SLC6A15: variants seen among roughly 807,000 people sequenced by gnomAD.
SLC6A15 encodes sodium-dependent neutral amino acid transporter B(0)AT2.
A neutral mutation model predicts 68.5 loss-of-function variants in SLC6A15; 33 were observed. The ratio of observed to expected loss-of-function variants is 0.48; its 90% CI spans 0.37 to 0.64. The LOEUF is 0.64. Ranked by LOEUF, SLC6A15 falls within the 30% of genes least tolerant of loss-of-function variation. SLC6A15 has a pLI of 0.00. For synonymous variants in SLC6A15, 347 were observed against 301.0 expected, an observed-to-expected ratio of 1.15 and a Z score of -1.58; for missense variants, 747 against 874.3, an observed-to-expected ratio of 0.85 and a Z score of 1.84.
chr12:84,904,596 G>A (rs1873052932), intron 1 of SLC6A15, among the ~76,000 whole-genome samples: 1 of 152,156 alleles, frequency 6.6e-6, no homozygotes, highest in South Asian at 2.1e-4. Context: ...AGGATATGTG[G>A]TTTAGGTTTT....
chr12:84,867,563 T>G (rs976257493), intron 9 of SLC6A15: 1 of 153,950 alleles, frequency 6.5e-6, no homozygotes, highest in African/African-American at 2.4e-5. Flanking sequence ...TTATAGGTCA[T>G]TTATTCATTT....
At position 84,871,301 on chromosome 12, in the gene SLC6A15, C is replaced by T. The variant is rs556420069; in HGVS notation, c.1303-631G>A. ...CTTTTTTTACTTCTGATATTCCTAC[C>T]TCCCTGATTAAAAAAAAAAAAAAAG... On this transcript the variant is annotated intron_variant, in intron 8 of 11. Transcript: ENST00000266682. Among the ~76,000 whole-genome samples the T allele has an allele frequency of 4.0e-5, 6 of 148,782 alleles. No homozygotes were observed. In the South Asian group the frequency reaches 1.3e-3, roughly 31 times the overall value.
At chr12:84,883,719 G>A (rs745617936) in intron 5 of SLC6A15, 140 bp downstream of exon 5, 11 of 1,593,016 alleles carry the variant, frequency 6.9e-6, no homozygotes, top group Non-Finnish European at 9.4e-6. Flanking sequence ...CTTTTGAAGT[G>A]TCACTTTTCA....
At chr12:84,885,385 C>G (rs1872046024) in intron 4 of SLC6A15, 50 bp downstream of exon 4, 2 of 1,438,928 alleles carry the variant, frequency 1.4e-6, no homozygotes, top group African/African-American at 1.5e-5. Context: ...TGTACCTTTG[C>G]CACTCTTATA....
intron 1 of SLC6A15, among the ~76,000 whole-genome samples, chr12:84,907,034 T>C (rs1034834128): frequency 1.3e-5 from 2 of 151,870 alleles, no homozygotes; most frequent in African/African-American, 4.8e-5. Context: ...GACTGGTGTT[T>C]AGGATATATA....
chr12:84,898,048 T>C (rs1206613864), intron 1 of SLC6A15, among the ~76,000 whole-genome samples: 3 of 152,122 alleles, frequency 2.0e-5, no homozygotes, highest in Non-Finnish European at 2.9e-5. Flanking sequence ...AGATACTGTG[T>C]AAATATGACT....
intron 6 of SLC6A15, among the ~76,000 whole-genome samples, 182 bp downstream of exon 6, chr12:84,876,315 G>A (rs555521689): frequency 6.6e-5 from 10 of 152,136 alleles, no homozygotes; most frequent in African/African-American, 2.4e-4. Flanking sequence ...AAAAAATGGA[G>A]ATAAATGGCT....
intron 5 of SLC6A15, chr12:84,882,356 T>C (rs907379226): frequency 3.1e-6 from 3 of 982,960 alleles, no homozygotes; most frequent in Admixed American, 6.2e-5. Context: ...TATTTAGTCA[T>C]ATAATACAAT....
chr12:84,909,586 A>T (rs1478415618), intron 1 of SLC6A15, among the ~76,000 whole-genome samples: 1 of 152,200 alleles, frequency 6.6e-6, no homozygotes, highest in Non-Finnish European at 1.5e-5. Flanking sequence ...GCATCCAACT[A>T]TGCCTGTAGA....
rs754549579 is a variant in SLC6A15, at chr12:84,861,889, C to T, written c.1936G>A (p.Asp646Asn). 63 of 1,613,852 alleles carry T rather than the reference C, an allele frequency of 3.9e-5. No individual in the cohort carries two copies. The highest frequency in any genetic ancestry group is 5.3e-5 in the African/African-American group (4 of 74,884). The change falls in exon 12 of 12, where the codon GAT becomes AAT. Residue 646 changes from aspartate (D) to asparagine (N), a missense_variant. By Grantham distance (23) the Asp-to-Asn change is conservative (BLOSUM62 1). Transcript: ENST00000266682. ...GATGCTAAATTACCAGAACTATCAT[C>T]TATAAGGTTGAAGCGACGAACAATG... ...VFIVRRFNLI[D>N]DSSGNLASVT...
At chr12:84,890,692 T>A (rs1415074286) in intron 2 of SLC6A15, among the ~76,000 whole-genome samples, 1 of 152,176 alleles carries the variant, frequency 6.6e-6, no homozygotes, top group Non-Finnish European at 1.5e-5. Context: ...ACATATTTTG[T>A]CACCATAACA....
In SLC6A15 at chr12:84,891,922, T is replaced by C; in HGVS notation, c.199A>G (p.Lys67Glu). ...VEDERPAWNSKLQYILAQVGF... is the reference protein window; with the variant it reads ...VEDERPAWNSELQYILAQVGF... ...ACTTGGGCCAGGATGTATTGTAGTT[T>C]ACTGTTCCAAGCTGGTCTTTCATCT... The change falls in exon 2 of 12, where the codon AAA (lysine) becomes GAA (glutamate). Residue 67 changes from lysine to glutamate, a missense_variant. By Grantham distance (56) the Lys-to-Glu change is moderately conservative. Coordinates refer to ENST00000266682, the MANE Select transcript of SLC6A15 (RefSeq NM_182767.6). 1 of 1,614,086 alleles carries C rather than the reference T, an allele frequency of 6.2e-7. No homozygotes were observed. Among genetic ancestry groups the C allele is most frequent in the Admixed American group, 1.7e-5 (1 of 60,010 alleles).
intron 5 of SLC6A15, chr12:84,883,256 T>G: frequency 3.0e-6 from 3 of 985,478 alleles, no homozygotes; most frequent in Non-Finnish European, 3.6e-6. Flanking sequence ...AGAATTCACT[T>G]AATGTCTTTT....
intron 7 of SLC6A15, 75 bp downstream of exon 7, chr12:84,873,012 T>G: frequency 6.7e-7 from 1 of 1,492,430 alleles, no homozygotes; most frequent in Non-Finnish European, 9.0e-7. Flanking sequence ...TATGTATAGC[T>G]ATCATGTATC....
chr12:84,872,875 T>G, intron 7 of SLC6A15, 81 bp from the exon 8 acceptor site: 1 of 1,246,590 alleles, frequency 8.0e-7, no homozygotes, highest in Non-Finnish European at 1.1e-6. Context: ...CATTATAAGC[T>G]AATGAATGAG....
rs1871841499 is a variant in SLC6A15, at chr12:84,881,989, A to C, written c.756+1870T>G. ...CCTGAGGCATTCTCATTAAAATAAT[A>C]AATGTATGTACTAAATAAATTGTAT... On this transcript the variant is annotated intron_variant, in intron 5 of 11. Coordinates refer to ENST00000266682, the MANE Select transcript of SLC6A15 (RefSeq NM_182767.6). 8 of 980,506 alleles carry C rather than the reference A, an allele frequency of 8.2e-6. No homozygotes were observed. The South Asian group carries it at 3.8e-4, about 46-fold the overall frequency. The allele number at this position is 980,506 out of a possible 1,614,324, so 60.7% of individuals were successfully genotyped here.
intron 1 of SLC6A15, among the ~76,000 whole-genome samples, chr12:84,900,618 C>CT (rs899756470): frequency 1.7e-4 from 26 of 151,380 alleles, no homozygotes; most frequent in African/African-American, 5.1e-4. Flanking sequence ...AGAGAAGTTA[C>CT]TTTATATTCC....
At chr12:84,884,877 A>G (rs1374483901) in intron 4 of SLC6A15, among the ~76,000 whole-genome samples, 1 of 151,906 alleles carries the variant, frequency 6.6e-6, no homozygotes, top group East Asian at 1.9e-4. Context: ...TAGATTAAGT[A>G]AAATATTTCA....
At chr12:84,877,715 C>G (rs1423534860) in intron 5 of SLC6A15, among the ~76,000 whole-genome samples, 1 of 152,140 alleles carries the variant, frequency 6.6e-6, no homozygotes, top group Non-Finnish European at 1.5e-5. Context: ...TAAGGTGATG[C>G]CTTTTTCTAT....
Sources: gnomAD v4.1 joint callset for allele counts (sites outside exome capture counted in the v4.1 genomes callset) on GRCh38, gnomAD v4.1.1 for gene constraint, MANE v1.5 for transcripts, NCBI Gene and HGNC (gene_info 2026-07-23, HGNC 2026-07-21) for gene names.